The following RYR2 variants were observed in gnomAD, a reference collection of about 807,000 sequenced individuals.
The protein encoded by RYR2 is cardiac muscle ryanodine receptor-calcium release channel.
RYR2 carries 227 observed loss-of-function variants against 601.1 expected under a neutral mutation model. The observed-to-expected ratio is 0.38, with a 90% CI of 0.34 to 0.42. The LOEUF is 0.42. RYR2 is among the 10% of genes least tolerant of loss of function. RYR2 has a pLI of 1.00. For missense variants in RYR2, 4,646 were observed against 6,156.5 expected, an observed-to-expected ratio of 0.75 and a Z score of 8.21; for synonymous variants, 2,223 against 2,175.1, an observed-to-expected ratio of 1.02 and a Z score of -0.61.
chr1:237,643,575 G>GT (rs535549957), intron 48 of RYR2, 128 bp downstream of exon 48: 6 of 871,708 alleles, frequency 6.9e-6, no homozygotes, highest in East Asian at 3.1e-5. Context: ...ACTTAAATTA[G>GT]TTTTTTTAAA....
intron 99 of RYR2, among the ~76,000 whole-genome samples, chr1:237,807,021 T>C (rs1660705149): frequency 6.6e-6 from 1 of 152,226 alleles, no homozygotes; most frequent in African/African-American, 2.4e-5. Flanking sequence ...CAGAGTCTTG[T>C]AGCCCAGCAC....
intron 16 of RYR2, among the ~76,000 whole-genome samples, chr1:237,463,999 A>G (rs3766834): frequency 0.49 from 74,823 of 152,128 alleles, 19,508 homozygotes; most frequent in East Asian, 0.74. Flanking sequence ...ACTTAACCAC[A>G]CATTTTGATC....
intron 12 of RYR2, among the ~76,000 whole-genome samples, chr1:237,432,338 A>G (rs1374975814): frequency 6.6e-6 from 1 of 152,200 alleles, no homozygotes; most frequent in African/African-American, 2.4e-5. Flanking sequence ...TTGTAGGGAC[A>G]GAAACAGAAT....
chr1:237,170,769 T>A (rs1431353905), intron 1 of RYR2, among the ~76,000 whole-genome samples: 2 of 152,140 alleles, frequency 1.3e-5, no homozygotes. Flanking sequence ...GAGGAAGACA[T>A]GGCTGGTGCA....
chr1:237,691,571 C>T (rs1686946067), intron 63 of RYR2, among the ~76,000 whole-genome samples: 1 of 152,096 alleles, frequency 6.6e-6, no homozygotes, highest in African/African-American at 2.4e-5. Flanking sequence ...CATTGATGGA[C>T]ACTATACAGG....
At chr1:237,308,612 C>T (rs12729598) in intron 2 of RYR2, among the ~76,000 whole-genome samples, 51,214 of 151,814 alleles carry the variant, frequency 0.34, 8,853 homozygotes, top group South Asian at 0.51. Flanking sequence ...CAGATGTGTT[C>T]GGAGTTTCTT....
chr1:237,777,097 G>A (rs1694724215), intron 87 of RYR2, among the ~76,000 whole-genome samples: 1 of 152,142 alleles, frequency 6.6e-6, no homozygotes, highest in African/African-American at 2.4e-5. Flanking sequence ...CTCACATGAT[G>A]GTTCTCCTGA....
chr1:237,631,231 G>A (rs889413673), intron 41 of RYR2, among the ~76,000 whole-genome samples, 196 bp from the exon 42 acceptor site: 4 of 152,180 alleles, frequency 2.6e-5, no homozygotes, highest in Middle Eastern at 3.4e-3. Context: ...ATAGACATTC[G>A]TCAACCAATT....
chr1:237,411,857 G>T (rs962946886), intron 10 of RYR2, among the ~76,000 whole-genome samples: 5 of 152,176 alleles, frequency 3.3e-5, no homozygotes, highest in African/African-American at 9.7e-5. Context: ...ACAGAGCCCT[G>T]TGGCAGCACT....
chr1:237,614,678 G>A lies in RYR2; in HGVS notation c.5550G>A (p.Val1850=), dbSNP rs764164889. Residue 1850 remains valine (V), a synonymous_variant, in exon 37 of 105, where the codon GTG becomes GTA. Transcript: ENST00000366574. This position sits in a 1 kb window ranked among gnomAD's most constrained non-coding sequence, Gnocchi z 4.3. ...TCTTGCAGTTGATTGAGCCCAGTGT[G>A]TTTAAAGAAGCTGCCACTCCGGAGG... is the stretch of plus-strand genomic sequence containing the variant. ...KHILQLIEPS[V]FKEAATPEEE... 16 of 1,613,896 alleles carry A rather than the reference G, an allele frequency of 9.9e-6. No homozygotes were observed. Among genetic ancestry groups the A allele is most frequent in the African/African-American group, 1.3e-5 (1 of 74,934 alleles).
chr1:237,827,422 C>A (rs1415889118), intron 101 of RYR2, among the ~76,000 whole-genome samples: 2 of 151,954 alleles, frequency 1.3e-5, no homozygotes, highest in Admixed American at 1.3e-4. Flanking sequence ...ATCGCTTGAG[C>A]CCAGGAGTTT....
At chr1:237,445,736 G>A (rs1472794515) in intron 14 of RYR2, among the ~76,000 whole-genome samples, 1 of 152,122 alleles carries the variant, frequency 6.6e-6, no homozygotes, top group Non-Finnish European at 1.5e-5. Context: ...AATTGGATGT[G>A]TAATTTGTAA....
intron 10 of RYR2, among the ~76,000 whole-genome samples, chr1:237,402,109 G>A (rs1289175494): frequency 6.6e-6 from 1 of 152,026 alleles, no homozygotes; most frequent in Admixed American, 6.6e-5. Context: ...AAATATTTAT[G>A]ATTATCTGGT....
intron 2 of RYR2, among the ~76,000 whole-genome samples, chr1:237,329,222 A>C (rs563714175): frequency 6.6e-6 from 1 of 152,006 alleles, no homozygotes; most frequent in South Asian, 2.1e-4. Context: ...TTGCTCTGTC[A>C]CTCAGGTTTT....
At chr1:237,244,468 G>A (rs963407298) in intron 1 of RYR2, among the ~76,000 whole-genome samples, 1 of 152,050 alleles carries the variant, frequency 6.6e-6, no homozygotes, top group Non-Finnish European at 1.5e-5. Context: ...AGAGAAGATG[G>A]TGTCCTTAGA....
At chr1:237,055,186 C>G (rs755656679) in intron 1 of RYR2, among the ~76,000 whole-genome samples, 1 of 152,102 alleles carries the variant, frequency 6.6e-6, no homozygotes, top group Non-Finnish European at 1.5e-5. Context: ...AGCACGGTGA[C>G]ACGTTTGGGA....
intron 2 of RYR2, among the ~76,000 whole-genome samples, chr1:237,276,837 G>C (rs1486583481): frequency 6.6e-6 from 1 of 152,066 alleles, no homozygotes; most frequent in African/African-American, 2.4e-5. Context: ...GACAAGACAC[G>C]CGCCAAGGTC....
At chr1:237,455,076 C>T (rs925661221) in intron 15 of RYR2, among the ~76,000 whole-genome samples, 2 of 152,100 alleles carry the variant, frequency 1.3e-5, no homozygotes, top group Non-Finnish European at 2.9e-5. Flanking sequence ...GCAACCCTAC[C>T]CTTCTCCTTT....
intron 11 of RYR2, among the ~76,000 whole-genome samples, chr1:237,418,979 T>C (rs959383462): frequency 6.7e-6 from 1 of 150,364 alleles, no homozygotes; most frequent in African/African-American, 2.5e-5. Context: ...GGAAAACTCA[T>C]AGCTTTTATA....
Sources: allele counts gnomAD v4.1 joint callset (sites outside exome capture counted in the v4.1 genomes callset), GRCh38; gene constraint gnomAD v4.1.1; non-coding constraint Gnocchi (gnomAD v3.1); transcripts MANE v1.5; gene names NCBI Gene and HGNC (gene_info 2026-07-23, HGNC 2026-07-21).